The following ZNF488 variants were observed in gnomAD, a reference collection of about 807,000 sequenced individuals.
ZNF488 encodes zinc finger protein 488.
In ZNF488, 1 loss-of-function variant was observed where a neutral mutation model predicts 1.2. That is an observed-to-expected ratio of 0.86 (90% CI 0.30 to 4.07). ZNF488 has a LOEUF of 4.07. Among genes scored for constraint, ZNF488 ranks in the 30% most tolerant of loss-of-function variants. ZNF488 has a pLI of 0.18. For missense variants in ZNF488, 450 were observed against 437.9 expected, an observed-to-expected ratio of 1.03 and a Z score of -0.25; for synonymous variants, 185 against 190.1, an observed-to-expected ratio of 0.97 and a Z score of 0.22.
rs1837264357 is a variant in ZNF488 at position 47,367,627 on chromosome 10, TC to T, written c.*179del. 2 of 723,426 alleles carry T rather than the reference TC, an allele frequency of 2.8e-6. No homozygotes were observed. The highest frequency in any genetic ancestry group is 4.5e-6 in the Non-Finnish European group (2 of 441,932). 44.8% of individuals were successfully genotyped at this position (723,426 alleles called of 1,614,324 possible). ...CATCACTTTATTTCAGGACTTCATT[TC>T]CTTCAAAACACATCATGCAGGTGTG... On this transcript the variant is annotated 3_prime_UTR_variant, in exon 2 of 2. Transcript: ENST00000585316.
chr10:47,370,800 C>T (rs560134228), intron 1 of ZNF488, among the ~76,000 whole-genome samples: 7 of 152,244 alleles, frequency 4.6e-5, no homozygotes, highest in South Asian at 4.2e-4. Context: ...TTTGGTGTAA[C>T]CTATTCTATG....
At chr10:47,380,701 A>C (rs1228500780) in intron 1 of ZNF488, among the ~76,000 whole-genome samples, 1 of 11,054 alleles carries the variant, frequency 9.0e-5, no homozygotes, top group African/African-American at 9.3e-4. Flanking sequence ...AGGTTGTCTC[A>C]GGTAACCTTC....
At position 47,368,869 on chromosome 10, in the gene ZNF488, C is replaced by T. The variant is rs782163610; in HGVS notation, c.-40G>A. The T allele has an allele frequency of 4.5e-5, 70 of 1,539,342 alleles. 1 individual carries two copies. In the South Asian group the frequency reaches 7.6e-4, roughly 17 times the overall value. On this transcript the variant is annotated 5_prime_UTR_variant, in exon 2 of 2. Coordinates refer to ENST00000585316, the MANE Select transcript of ZNF488 (RefSeq NM_153034.4). ...GGGTTTGGGGTTCTGGAGGGCTTGG[C>T]CCAGCAAGGAGCCATGAGATATGGA...
At chr10:47,378,359 C>G (rs1170154519) in intron 1 of ZNF488, among the ~76,000 whole-genome samples, 1 of 152,238 alleles carries the variant, frequency 6.6e-6, no homozygotes, top group Non-Finnish European at 1.5e-5. Context: ...CCCGCTCTCA[C>G]CAGCCCCACC....
At chr10:47,376,107 T>C (rs1837670159) in intron 1 of ZNF488, among the ~76,000 whole-genome samples, 1 of 151,814 alleles carries the variant, frequency 6.6e-6, no homozygotes, top group Non-Finnish European at 1.5e-5. Context: ...CCACATGCAA[T>C]GAGAGAGAAA....
chr10:47,370,692 T>C (rs1278512353), intron 1 of ZNF488, among the ~76,000 whole-genome samples: 1 of 152,174 alleles, frequency 6.6e-6, no homozygotes, highest in African/African-American at 2.4e-5. Context: ...CAAAGCAGGA[T>C]GCATACGCAA....
In ZNF488 at chr10:47,368,499, G is replaced by A. The variant is rs552091559; in HGVS notation, c.331C>T (p.Arg111Trp). ...TCCTGGGCCTGAGCATCCACCTGCC[G>A]GTCCTTCATCCTCGGCAGCTCCGTG... The part of the protein sequence containing the change: ...AFTELPRMKD[R>W]QVDAQAQERE... Residue 111 changes from arginine to tryptophan, a missense_variant, in exon 2 of 2, where the codon CGG (arginine) becomes TGG (tryptophan). Coordinates refer to ENST00000585316, the MANE Select transcript of ZNF488 (RefSeq NM_153034.4). 85 of 1,613,796 alleles carry A rather than the reference G, an allele frequency of 5.3e-5. 1 individual carries two copies. The highest frequency in any genetic ancestry group is 4.0e-4 in the South Asian group (36 of 91,066).
rs1196665052 is a variant in ZNF488, at chr10:47,377,633, CACACAT to C, written c.-109+6581_-109+6586del. 6.7e-3 allele frequency among the ~76,000 whole-genome samples: 961 copies of C among 143,750 alleles called. 14 individuals are homozygous for C. The highest frequency in any genetic ancestry group is 0.022 in the African/African-American group (841 of 38,256). 94.3% of individuals were successfully genotyped at this position (143,750 alleles called of 152,430 possible). Reference sequence around the variant, plus strand: ...ACACACACACACACACACACACACACACACATGGCTGCCACCCAGAGGAGCCAGCAA... The same window carrying C: ...ACACACACACACACACACACACACACGGCTGCCACCCAGAGGAGCCAGCAA... On this transcript the variant is annotated intron_variant, in intron 1 of 1. Coordinates refer to ENST00000585316, the MANE Select transcript of ZNF488 (RefSeq NM_153034.4).
intron 1 of ZNF488, among the ~76,000 whole-genome samples, chr10:47,373,096 A>G (rs187152072): frequency 1.6e-3 from 247 of 152,252 alleles, no homozygotes; most frequent in African/African-American, 5.3e-3. Context: ...ACCCCAGCAA[A>G]CACACAGAAC....
intron 1 of ZNF488, among the ~76,000 whole-genome samples, chr10:47,375,038 C>G (rs571744878): frequency 2.6e-5 from 4 of 152,302 alleles, no homozygotes; most frequent in African/African-American, 9.6e-5. Flanking sequence ...AAGCTCACCC[C>G]CTGACGAAAC....
chr10:47,381,039 A>G (rs76973556), intron 1 of ZNF488, among the ~76,000 whole-genome samples: 11,775 of 87,270 alleles, frequency 0.13, no homozygotes, highest in African/African-American at 0.17. Flanking sequence ...AGTGTTTAAT[A>G]AATGACCAAA....
intron 1 of ZNF488, among the ~76,000 whole-genome samples, 182 bp from the exon 2 acceptor site, chr10:47,369,119 C>G (rs1837365684): frequency 6.6e-6 from 1 of 152,218 alleles, no homozygotes; most frequent in African/African-American, 2.4e-5. Context: ...CCTCCAGGGC[C>G]CACCTCCCTG....
At chr10:47,374,839 C>T (rs1392631549) in intron 1 of ZNF488, among the ~76,000 whole-genome samples, 5 of 152,184 alleles carry the variant, frequency 3.3e-5, no homozygotes, top group African/African-American at 7.2e-5. Context: ...ACTGCACATC[C>T]GGGGCTGGGT....
At chr10:47,373,334 C>T (rs1347170975) in intron 1 of ZNF488, among the ~76,000 whole-genome samples, 15 of 152,178 alleles carry the variant, frequency 9.9e-5, no homozygotes, top group African/African-American at 2.9e-4. Context: ...ACTCTAATGA[C>T]TATTGCATCT....
rs782489400 is a variant in ZNF488 at position 47,368,530 on chromosome 10, G to A, written c.300C>T (p.Ser100=). The A allele has an allele frequency of 1.9e-5, 30 of 1,613,466 alleles. No individual in the cohort carries two copies. Among genetic ancestry groups the A allele is most frequent in the African/African-American group, 1.1e-4 (8 of 74,924 alleles). Residue 100 remains serine, a synonymous_variant, in exon 2 of 2, where the codon AGC becomes AGT. Coordinates refer to ENST00000585316, the MANE Select transcript of ZNF488 (RefSeq NM_153034.4). The part of the protein sequence containing the change: ...PPKTRGEQRQ[S]AFTELPRMKD... Reference sequence around the variant, plus strand: ...TCATCCTCGGCAGCTCCGTGAAGGCGCTCTGCCTCTGCTCTCCACGTGTCT... The same window carrying A: ...TCATCCTCGGCAGCTCCGTGAAGGCACTCTGCCTCTGCTCTCCACGTGTCT...
At position 47,367,845 on chromosome 10, in the gene ZNF488, G is replaced by A. The variant is rs782226701; in HGVS notation, c.985C>T (p.Arg329Cys). The change falls in exon 2 of 2, where the codon CGC becomes TGC. Residue 329 changes from arginine (R) to cysteine (C), a missense_variant. Transcript: ENST00000585316. The part of the protein sequence containing the change: ...CPVCQEHFRE[R>C]HHLSRHMTSH... ...GTCATGTGCCGGGAGAGGTGGTGGC[G>A]CTCCCGGAAGTGCTCCTGGCACACA... 2.1e-5 allele frequency: 34 copies of A among 1,613,006 alleles called. No homozygotes were observed. The highest frequency in any genetic ancestry group is 1.6e-4 in the Middle Eastern group (1 of 6,080).
intron 1 of ZNF488, among the ~76,000 whole-genome samples, chr10:47,380,899 A>G (rs554046393): frequency 2.1e-5 from 2 of 93,468 alleles, no homozygotes; most frequent in African/African-American, 4.6e-5. Context: ...TAATATAGAG[A>G]AAGTGCTAAG....
chr10:47,377,739 G>A (rs567474394), intron 1 of ZNF488, among the ~76,000 whole-genome samples: 5 of 139,594 alleles, frequency 3.6e-5, no homozygotes, highest in Non-Finnish European at 6.2e-5. Context: ...CGGAGGCGCC[G>A]GCTCAGCCCT....
intron 1 of ZNF488, among the ~76,000 whole-genome samples, chr10:47,377,133 AC>A (rs1837708623): frequency 1.3e-5 from 2 of 152,182 alleles, no homozygotes; most frequent in Non-Finnish European, 2.9e-5. Context: ...AGTGGGGTGG[AC>A]TGCAGGGTCC....
Sources: gnomAD v4.1 joint callset for allele counts (sites outside exome capture counted in the v4.1 genomes callset) on GRCh38, gnomAD v4.1.1 for gene constraint, MANE v1.5 for transcripts, NCBI Gene and HGNC (gene_info 2026-07-23, HGNC 2026-07-21) for gene names.